Variants in PHOX2A observed in about 807,000 individuals in gnomAD.
PHOX2A encodes the protein paired like homeobox 2A, also known as paired mesoderm homeobox protein 2A.
A neutral mutation model predicts 16.4 loss-of-function variants in PHOX2A; 10 were observed. That is an observed-to-expected ratio of 0.61 (90% CI 0.38 to 1.04). The LOEUF (loss-of-function observed/expected upper bound fraction) is 1.04, where lower values mean the gene tolerates loss of function less well. Ranked by LOEUF, PHOX2A falls within the 50% of genes least tolerant of loss-of-function variation. The probability of loss-of-function intolerance (pLI) is 0.01; values close to 1 mark genes in which losing one functional copy is unlikely to be tolerated. For missense variants in PHOX2A, 361 were observed against 419.4 expected, an observed-to-expected ratio of 0.86 and a Z score of 1.22; for synonymous variants, 219 against 203.8, an observed-to-expected ratio of 1.07 and a Z score of -0.64.
Position 72,243,792 on chromosome 11 carries a change from C to G in PHOX2A, c.213G>C (p.Ser71=), listed in dbSNP as rs1949140375. 2.4e-6 allele frequency: 3 copies of G among 1,247,418 alleles called. No individual in the cohort carries two copies. Among genetic ancestry groups the G allele is most frequent in the East Asian group, 3.2e-5 (1 of 31,708 alleles). 77.3% of individuals were successfully genotyped at this position (1,247,418 alleles called of 1,614,324 possible). The change falls in exon 1 of 3, where the codon TCG becomes TCC. Residue 71 remains serine, a synonymous_variant. Coordinates refer to ENST00000298231, the MANE Select transcript of PHOX2A (RefSeq NM_005169.4). ...ALRDHQPAPY[S]AVPYKFFPEP... is the part of the protein sequence containing the mutation. ...TTGGGCCGGGGCTGCGCTCACCTGC[C>G]GAGTAGGGCGCGGGCTGGTGGTCGC...
chr11:72,243,316 CGCGA>C (rs1025709807), intron 1 of PHOX2A, among the ~76,000 whole-genome samples: 1 of 152,104 alleles, frequency 6.6e-6, no homozygotes, highest in African/African-American at 2.4e-5. Flanking sequence ...CTGATGGCCA[CGCGA>C]GCTCTAGGAA....
At position 72,241,311 on chromosome 11, in the gene PHOX2A, C is replaced by A. The variant is rs368707671; in HGVS notation, c.218-22G>T. 21 of 771,912 alleles carry A rather than the reference C, an allele frequency of 2.7e-5. No individual in the cohort carries two copies. In the South Asian group the frequency reaches 6.6e-4, roughly 24 times the overall value. 47.8% of individuals were successfully genotyped at this position (771,912 alleles called of 1,614,324 possible). A position where few individuals can be genotyped will look rare whatever the true frequency, so the allele number is the denominator to read the frequency against. On this transcript the variant is annotated intron_variant, in intron 1 of 2. Transcript: ENST00000298231. ...GGCACTGCGGGTGTGTGCAGGGGGG[C>A]CGGGGGGGGGGCAAAAAGGATGGGG...
rs1468318762 is a variant in PHOX2A at position 72,239,685 on chromosome 11, T to C, written c.*64A>G. 4.9e-6 allele frequency: 6 copies of C among 1,212,666 alleles called. No homozygotes were observed. Among genetic ancestry groups the C allele is most frequent in the African/African-American group, 3.1e-5 (2 of 64,242 alleles). The allele number at this position is 1,212,666 out of a possible 1,614,324, so 75.1% of individuals were successfully genotyped here. A position where few individuals can be genotyped will look rare whatever the true frequency, so the allele number is the denominator to read the frequency against. ...GGCGGGTGGCCAGGATGGGAGGGGCTGTCAGGTCCTGGAGGGGCAGGGACG... is the reference window on the plus strand; with the variant it reads ...GGCGGGTGGCCAGGATGGGAGGGGCCGTCAGGTCCTGGAGGGGCAGGGACG... On this transcript the variant is annotated 3_prime_UTR_variant, in exon 3 of 3. Coordinates refer to ENST00000298231, the MANE Select transcript of PHOX2A (RefSeq NM_005169.4).
chr11:72,240,910 C>A (rs928532596), intron 2 of PHOX2A, among the ~76,000 whole-genome samples, 192 bp downstream of exon 2: 1 of 152,214 alleles, frequency 6.6e-6, no homozygotes, highest in Non-Finnish European at 1.5e-5. Flanking sequence ...TAGCCTGGAG[C>A]TAAACAGATC....
Position 72,240,168 on chromosome 11 carries a change from G to A in PHOX2A, c.436C>T (p.Arg146Cys). 1.3e-6 allele frequency: 2 copies of A among 1,535,630 alleles called. No homozygotes were observed. The highest frequency in any genetic ancestry group is 1.7e-6 in the Non-Finnish European group (2 of 1,145,648). The change falls in exon 3 of 3, where the codon CGC (arginine) becomes TGC (cysteine). Residue 146 changes from arginine (R) to cysteine (C), a missense_variant. Arg to Cys is a radical substitution (Grantham distance 180). This residue lies in a region of PHOX2A where 235 missense variants were observed against 263.8 expected (regional missense o/e 0.89). Coordinates refer to ENST00000298231, the MANE Select transcript of PHOX2A (RefSeq NM_005169.4). The part of the protein sequence containing the change: ...VWFQNRRAKF[R>C]KQERAASAKG... ...GCGCTGGCCGCGCGCTCCTGTTTGCGGAACTTGGCCCGGCGGTTCTGGAAC... is the reference window on the plus strand; with the variant it reads ...GCGCTGGCCGCGCGCTCCTGTTTGCAGAACTTGGCCCGGCGGTTCTGGAAC...
intron 2 of PHOX2A, 121 bp from the exon 3 acceptor site, chr11:72,240,319 T>G: frequency 7.4e-7 from 1 of 1,358,572 alleles, no homozygotes. Context: ...TTCTTACTAG[T>G]TGGAGGGGCC....
rs1262176473 is a variant in PHOX2A at position 72,240,065 on chromosome 11, G to T, written c.539C>A (p.Ser180Tyr). The change falls in exon 3 of 3, where the codon TCC (serine) becomes TAC (tyrosine). Residue 180 changes from serine (S) to tyrosine (Y), a missense_variant. Coordinates refer to ENST00000298231, the MANE Select transcript of PHOX2A (RefSeq NM_005169.4). ...GCTATCGGGCGTGGGGCTGCACGTG[G>T]ACTCCTTGGAATCGTCGTCCTCGGA... ...CSSEDDDSKESTCSPTPDSTA... is the reference protein window; with the variant it reads ...CSSEDDDSKEYTCSPTPDSTA... 2 of 1,527,996 alleles carry T rather than the reference G, an allele frequency of 1.3e-6. No homozygotes were observed. Among genetic ancestry groups the T allele is most frequent in the Non-Finnish European group, 1.8e-6 (2 of 1,142,482 alleles). 94.7% of individuals were successfully genotyped at this position (1,527,996 alleles called of 1,614,324 possible). A position where few individuals can be genotyped will look rare whatever the true frequency, so the allele number is the denominator to read the frequency against.
At chr11:72,241,364 T>C (rs1949119941) in intron 1 of PHOX2A, 75 bp from the exon 2 acceptor site, 1 of 912,990 alleles carries the variant, frequency 1.1e-6, no homozygotes, top group Non-Finnish European at 1.6e-6. Flanking sequence ...CAACCCGTTG[T>C]GTCCAGCTCC....
rs759129835 is a variant in PHOX2A at position 72,241,315 on chromosome 11, G to A, written c.218-26C>T. On this transcript the variant is annotated intron_variant, in intron 1 of 2. Transcript: ENST00000298231. ...CTGCGGGTGTGTGCAGGGGGGCCGGGGGGGGGGCAAAAAGGATGGGGGAGT... is the reference window on the plus strand; with the variant it reads ...CTGCGGGTGTGTGCAGGGGGGCCGGAGGGGGGGCAAAAAGGATGGGGGAGT... The A allele has an allele frequency of 7.1e-6, 9 of 1,258,898 alleles. 1 individual carries two copies. The South Asian group carries it at 8.3e-5, about 12-fold the overall frequency. 78.0% of individuals were successfully genotyped at this position (1,258,898 alleles called of 1,614,324 possible). A position where few individuals can be genotyped will look rare whatever the true frequency, so the allele number is the denominator to read the frequency against.
In PHOX2A at chr11:72,239,881, G is replaced by A. The variant is rs894422420; in HGVS notation, c.723C>T (p.Gly241=). 6 of 1,362,356 alleles carry A rather than the reference G, an allele frequency of 4.4e-6. No individual in the cohort carries two copies. Among genetic ancestry groups the A allele is most frequent in the Middle Eastern group, 2.7e-4 (1 of 3,718 alleles). 84.4% of individuals were successfully genotyped at this position (1,362,356 alleles called of 1,614,324 possible). A position where few individuals can be genotyped will look rare whatever the true frequency, so the allele number is the denominator to read the frequency against. ...LWAGVAGGGG[G]GPGAGAAELL... Reference sequence around the variant, plus strand: ...GTTCGGCCGCTCCCGCGCCAGGCCCGCCGCCCCCACCGCCCGCCACACCGG... The same window carrying A: ...GTTCGGCCGCTCCCGCGCCAGGCCCACCGCCCCCACCGCCCGCCACACCGG... Residue 241 remains glycine (G), a synonymous_variant, in exon 3 of 3, where the codon GGC becomes GGT. Transcript: ENST00000298231.
Position 72,241,287 on chromosome 11 carries a change from G to T in PHOX2A, c.220C>A (p.Pro74Thr). ...DHQPAPYSAV[P>T]YKFFPEPSGL... is the part of the protein sequence containing the mutation. The stretch of plus-strand genomic sequence containing the variant: ...GATGGCTCTGGGAAGAACTTGTAGG[G>T]CACTGCGGGTGTGTGCAGGGGGGCC... Residue 74 changes from proline to threonine, a missense_variant and splice_region_variant, in exon 2 of 3, where the codon CCC (proline) becomes ACC (threonine). Physicochemically the swap from Pro to Thr is conservative, Grantham distance 38. This residue lies in a region of PHOX2A where 235 missense variants were observed against 263.8 expected (regional missense o/e 0.89). Coordinates refer to ENST00000298231, the MANE Select transcript of PHOX2A (RefSeq NM_005169.4). 3.2e-6 allele frequency: 5 copies of T among 1,549,176 alleles called. No individual in the cohort carries two copies. Among genetic ancestry groups the T allele is most frequent in the Non-Finnish European group, 4.4e-6 (5 of 1,148,056 alleles).
chr11:72,240,718 C>T (rs1354957925), intron 2 of PHOX2A, among the ~76,000 whole-genome samples: 1 of 152,190 alleles, frequency 6.6e-6, no homozygotes, highest in African/African-American at 2.4e-5. Context: ...TCCCGGGCTC[C>T]GGGTTTTCAA....
Position 72,244,093 on chromosome 11 carries a change from C to A in PHOX2A, c.-89G>T. Reference sequence around the variant, plus strand: ...TCGGAAGGGAGGTTCGAGCGCCAGGCTCCGAGGACCCGAGGCCAGCTCTGA... The same window carrying A: ...TCGGAAGGGAGGTTCGAGCGCCAGGATCCGAGGACCCGAGGCCAGCTCTGA... On this transcript the variant is annotated 5_prime_UTR_variant, in exon 1 of 3. Transcript: ENST00000298231. 1 of 589,118 alleles carries A rather than the reference C, an allele frequency of 1.7e-6. No homozygotes were observed. The highest frequency in any genetic ancestry group is 2.5e-6 in the Non-Finnish European group (1 of 399,678). The allele number at this position is 589,118 out of a possible 1,614,324, so 36.5% of individuals were successfully genotyped here. A position where few individuals can be genotyped will look rare whatever the true frequency, so the allele number is the denominator to read the frequency against.
chr11:72,241,126 G>A lies in PHOX2A; in HGVS notation c.381C>T (p.Ile127=), dbSNP rs779510953. The A allele has an allele frequency of 1.2e-6, 2 of 1,614,030 alleles. No homozygotes were observed. Among genetic ancestry groups the A allele is most frequent in the South Asian group, 2.2e-5 (2 of 91,086 alleles). Residue 127 remains isoleucine, a synonymous_variant, in exon 2 of 3, where the codon ATC becomes ATT. Coordinates refer to ENST00000298231, the MANE Select transcript of PHOX2A (RefSeq NM_005169.4). ...IYTREELALK[I]DLTEARVQVW... is the part of the protein sequence containing the mutation. ...CCTGCACGCGAGCCTCAGTGAGGTC[G>A]ATCTTGAGCGCCAGCTCCTCACGCG...
intron 2 of PHOX2A, among the ~76,000 whole-genome samples, chr11:72,240,895 G>A (rs1949113074): frequency 6.6e-6 from 1 of 152,194 alleles, no homozygotes; most frequent in South Asian, 2.1e-4. Flanking sequence ...GAGACAGAGC[G>A]GAGGTAGCCT....
Position 72,239,411 on chromosome 11 carries a change from G to T in PHOX2A, c.*338C>A, listed in dbSNP as rs570961990. On this transcript the variant is annotated 3_prime_UTR_variant, in exon 3 of 3. Coordinates refer to ENST00000298231, the MANE Select transcript of PHOX2A (RefSeq NM_005169.4). ...CTGCAGAGCCAGGGAAGGGGGCTGT[G>T]CCGATCCTCCTTGAGGACCTTCACT... 4.7e-6 allele frequency: 1 copy of T among 212,950 alleles called. No homozygotes were observed. Among genetic ancestry groups the T allele is most frequent in the East Asian group, 9.6e-5 (1 of 10,386 alleles). The allele number at this position is 212,950 out of a possible 1,614,324, so 13.2% of individuals were successfully genotyped here.
rs1949135364 is a variant in PHOX2A, at chr11:72,243,184, T to C, written c.217+604A>G. On this transcript the variant is annotated intron_variant, in intron 1 of 2. Coordinates refer to ENST00000298231, the MANE Select transcript of PHOX2A (RefSeq NM_005169.4). Reference sequence around the variant, plus strand: ...CTCTAGCTGGGAGAGTCTGGGGGAATGGGGAAATACAAGTGGCTTAAAAAC... The same window carrying C: ...CTCTAGCTGGGAGAGTCTGGGGGAACGGGGAAATACAAGTGGCTTAAAAAC... Among the ~76,000 whole-genome samples, 7 of 152,058 alleles carry C rather than the reference T, an allele frequency of 4.6e-5. No homozygotes were observed. The South Asian group carries it at 1.0e-3, about 23-fold the overall frequency.
intron 1 of PHOX2A, among the ~76,000 whole-genome samples, chr11:72,241,644 T>C (rs965634804): frequency 2.2e-5 from 3 of 134,700 alleles, no homozygotes; most frequent in African/African-American, 8.2e-5. Context: ...CAACCGTGCC[T>C]CCGACCCTTC....
Position 72,243,798 on chromosome 11 carries a change from G to C in PHOX2A, c.207C>G (p.Pro69=), listed in dbSNP as rs1949140389. 2 of 1,248,832 alleles carry C rather than the reference G, an allele frequency of 1.6e-6. No homozygotes were observed. The highest frequency in any genetic ancestry group is 2.0e-6 in the Non-Finnish European group (2 of 995,590). 77.4% of individuals were successfully genotyped at this position (1,248,832 alleles called of 1,614,324 possible). ...CGGGGCTGCGCTCACCTGCCGAGTA[G>C]GGCGCGGGCTGGTGGTCGCGTAGGG... is the stretch of plus-strand genomic sequence containing the variant. ...LGALRDHQPA[P]YSAVPYKFFP... The change falls in exon 1 of 3, where the codon CCC becomes CCG. Residue 69 remains proline (P), a synonymous_variant. Transcript: ENST00000298231.
Sources: gnomAD v4.1 joint callset for allele counts (sites outside exome capture counted in the v4.1 genomes callset) on GRCh38, gnomAD v4.1.1 for gene constraint, gnomAD v4.1.1 regional missense constraint, MANE v1.5 for transcripts, NCBI Gene and HGNC (gene_info 2026-07-23, HGNC 2026-07-21) for gene names.